AGBL4: variants seen among roughly 807,000 people sequenced by gnomAD.
The protein encoded by AGBL4 is AGBL carboxypeptidase 4, also known as cytosolic carboxypeptidase 6.
A neutral mutation model predicts 66.4 loss-of-function variants in AGBL4; 58 were observed. The observed-to-expected ratio is 0.87, with a 90% CI of 0.71 to 1.09. The LOEUF (loss-of-function observed/expected upper bound fraction) is 1.09. Among genes scored for constraint, AGBL4 ranks in the 50% least tolerant of loss-of-function variants. The pLI, the probability that AGBL4 is intolerant of heterozygous loss-of-function variation, is 0.00. For missense variants in AGBL4, 579 were observed against 631.0 expected (o/e 0.92, Z 0.88); for synonymous variants, 234 against 222.9 (o/e 1.05, Z -0.44).
chr1:49,407,796 T>C (rs1200304677), intron 3 of AGBL4, among the ~76,000 whole-genome samples: 1 of 152,212 alleles, frequency 6.6e-6, no homozygotes, highest in Non-Finnish European at 1.5e-5. Context: ...CTAACTGCCT[T>C]GAAAGTGATT....
chr1:48,712,949 G>T (rs1646991176), intron 6 of AGBL4, among the ~76,000 whole-genome samples: 1 of 152,200 alleles, frequency 6.6e-6, no homozygotes. Context: ...TGCTGCCCAT[G>T]TACCAGTACC....
Position 48,933,277 on chromosome 1 carries a change from G to GA in AGBL4, c.595-66048dup, listed in dbSNP as rs551770967. ...ATGGTAGATGTTCAAGAAATACCTA[G>GA]AAAATCTTAGAGATCATTTAGTTTA... On this transcript the variant is annotated intron_variant, in intron 5 of 13. Transcript: ENST00000371839. Among the ~76,000 whole-genome samples, 231 of 152,248 alleles carry GA rather than the reference G, an allele frequency of 1.5e-3. 1 individual carries two copies. Among genetic ancestry groups the GA allele is most frequent in the African/African-American group, 5.2e-3 (218 of 41,562 alleles).
intron 3 of AGBL4, among the ~76,000 whole-genome samples, chr1:49,322,084 C>G (rs1309363449): frequency 2.0e-5 from 3 of 152,172 alleles, no homozygotes; most frequent in Non-Finnish European, 4.4e-5. Flanking sequence ...GAGCATTGCT[C>G]TGTTAAATAA....
chr1:49,641,371 T>C (rs1409720021), intron 3 of AGBL4, among the ~76,000 whole-genome samples: 29 of 152,094 alleles, frequency 1.9e-4, no homozygotes, highest in Admixed American at 1.7e-3. Flanking sequence ...CAGGGGTTTG[T>C]ACAGTCATTC....
chr1:49,865,722 C>T (rs997555625), intron 1 of AGBL4, among the ~76,000 whole-genome samples: 2 of 152,174 alleles, frequency 1.3e-5, no homozygotes, highest in African/African-American at 2.4e-5. Flanking sequence ...TGCAACATCT[C>T]TCCAGCAAGG....
At chr1:48,717,314 G>A (rs1647067862) in intron 6 of AGBL4, among the ~76,000 whole-genome samples, 1 of 152,158 alleles carries the variant, frequency 6.6e-6, no homozygotes, top group South Asian at 2.1e-4. Flanking sequence ...CTCTGACTGT[G>A]CATGTATATG....
chr1:49,603,579 T>C (rs1025956746), intron 3 of AGBL4, among the ~76,000 whole-genome samples: 1 of 145,650 alleles, frequency 6.9e-6, no homozygotes, highest in Middle Eastern at 3.5e-3. Flanking sequence ...AATAAACAAA[T>C]AAATAGAAAG....
intron 3 of AGBL4, among the ~76,000 whole-genome samples, chr1:49,306,657 G>C (rs1644853289): frequency 6.6e-6 from 1 of 152,176 alleles, no homozygotes; most frequent in Admixed American, 6.6e-5. Flanking sequence ...TTTGTGGATT[G>C]ACATCACGTG....
intron 3 of AGBL4, among the ~76,000 whole-genome samples, chr1:49,366,335 A>G (rs1453043648): frequency 2.0e-5 from 3 of 152,154 alleles, no homozygotes; most frequent in Non-Finnish European, 4.4e-5. Context: ...TCCTCTTCCT[A>G]TCCGCTATTG....
chr1:49,419,430 T>C (rs71647737), intron 3 of AGBL4, among the ~76,000 whole-genome samples: 575 of 152,324 alleles, frequency 3.8e-3, no homozygotes, highest in Middle Eastern at 0.037. Context: ...ACAAATGTGA[T>C]ACATATGGAA....
rs1488779971 is a variant in AGBL4 at position 48,895,417 on chromosome 1, A to G, written c.595-28187T>C. 2.0e-5 allele frequency among the ~76,000 whole-genome samples: 3 copies of G among 152,330 alleles called. No individual in the cohort carries two copies. In the East Asian group the frequency reaches 5.8e-4, roughly 29 times the overall value. ...TGAGAGGCAGAGGCCTGGCAAGGAG[A>G]GACAGCTTATAATTCTGACAGCAAG... On this transcript the variant is annotated intron_variant, in intron 5 of 13. Transcript: ENST00000371839.
chr1:49,336,603 C>A (rs1206725669), intron 3 of AGBL4, among the ~76,000 whole-genome samples: 1 of 152,196 alleles, frequency 6.6e-6, no homozygotes, highest in Non-Finnish European at 1.5e-5. Context: ...TCCCTTAGAT[C>A]TTTCTAAAAC....
Position 49,663,487 on chromosome 1 carries a change from A to T in AGBL4, c.282+33826T>A, listed in dbSNP as rs189911380. Among the ~76,000 whole-genome samples the T allele has an allele frequency of 1.8e-3, 269 of 152,232 alleles. 1 individual carries two copies. The highest frequency in any genetic ancestry group is 2.0e-3 in the Non-Finnish European group (134 of 68,000). On this transcript the variant is annotated intron_variant, in intron 3 of 13. Transcript: ENST00000371839. ...TGAGACTATGAAGTCACAAAAATGA[A>T]AGCATTTGGGTCTCTGAATTCACAT...
chr1:48,987,903 G>A (rs1660300465), intron 5 of AGBL4, among the ~76,000 whole-genome samples: 1 of 152,028 alleles, frequency 6.6e-6, no homozygotes. Context: ...GAAGACACCA[G>A]CCTATTTTAT....
chr1:49,909,111 C>T (rs1304920993), intron 1 of AGBL4, among the ~76,000 whole-genome samples: 1 of 152,086 alleles, frequency 6.6e-6, no homozygotes, highest in Non-Finnish European at 1.5e-5. Context: ...CTGCACTGTA[C>T]CTCAGTTTCT....
intron 3 of AGBL4, among the ~76,000 whole-genome samples, chr1:49,688,539 T>A (rs1331420415): frequency 6.6e-6 from 1 of 152,190 alleles, no homozygotes; most frequent in Non-Finnish European, 1.5e-5. Flanking sequence ...GCAATATACA[T>A]GACATTGCAA....
intron 3 of AGBL4, among the ~76,000 whole-genome samples, chr1:49,655,062 G>T (rs114827087): frequency 6.6e-6 from 1 of 152,074 alleles, no homozygotes; most frequent in Non-Finnish European, 1.5e-5. Flanking sequence ...TGCTCATACC[G>T]GTTATGCTGG....
chr1:48,986,971 A>T (rs1557530415), intron 5 of AGBL4, among the ~76,000 whole-genome samples: 1 of 152,074 alleles, frequency 6.6e-6, no homozygotes, highest in South Asian at 2.1e-4. Context: ...TAATGGAAGT[A>T]GTTAATTAGT....
intron 3 of AGBL4, among the ~76,000 whole-genome samples, chr1:49,537,543 G>GA (rs1233540207): frequency 6.6e-6 from 1 of 152,044 alleles, no homozygotes; most frequent in South Asian, 2.1e-4. Context: ...ATAAGCATAA[G>GA]AAAAAAATGT....
Sources: gnomAD v4.1 joint callset for allele counts (sites outside exome capture counted in the v4.1 genomes callset) on GRCh38, gnomAD v4.1.1 for gene constraint, MANE v1.5 for transcripts, NCBI Gene and HGNC (gene_info 2026-07-23, HGNC 2026-07-21) for gene names.